NOL9: variants seen among roughly 807,000 people sequenced by gnomAD.
NOL9 encodes the protein polynucleotide 5'-hydroxyl-kinase NOL9.
NOL9 carries 28 observed loss-of-function variants against 67.9 expected under a neutral mutation model. The observed-to-expected ratio is 0.41, with a 90% CI of 0.31 to 0.57. The LOEUF (loss-of-function observed/expected upper bound fraction) is 0.57. Among genes scored for constraint, NOL9 ranks in the 20% least tolerant of loss-of-function variants. NOL9 has a pLI of 0.25. For missense variants in NOL9, 777 were observed against 897.0 expected, an observed-to-expected ratio of 0.87 and a Z score of 1.71; for synonymous variants, 356 against 352.2, an observed-to-expected ratio of 1.01 and a Z score of -0.12.
chr1:6,537,991 CAAAAAAAA>C (rs35793215), intron 6 of NOL9, among the ~76,000 whole-genome samples: 1 of 52,506 alleles, frequency 1.9e-5, no homozygotes, highest in East Asian at 5.6e-4. Context: ...GACTCCATCT[CAAAAAAAA>C]AAAAAAAAAA....
intron 6 of NOL9, among the ~76,000 whole-genome samples, chr1:6,541,136 G>A (rs1003696767): frequency 6.7e-6 from 1 of 150,182 alleles, no homozygotes; most frequent in East Asian, 2.0e-4. Context: ...CTGCCTCGGC[G>A]TCCCAAGTAG....
At position 6,549,635 on chromosome 1, in the gene NOL9, A is replaced by T. The variant is rs1200574777; in HGVS notation, c.680T>A (p.Leu227Gln). ...TATGAAGTTTACAGTGGCAGTTTTC[A>T]GATGTTCTAGCAACACAATGGAACA... Reference protein sequence around the residue: ...PQCSIVLLEHLKTATVNFITS... With the variant: ...PQCSIVLLEHQKTATVNFITS... Residue 227 changes from leucine to glutamine, a missense_variant, in exon 3 of 12, where the codon CTG (leucine) becomes CAG (glutamine). Physicochemically the swap from Leu to Gln is moderately radical, Grantham distance 113. This residue lies in a region of NOL9 where 364 missense variants were observed against 344.4 expected (regional missense o/e 1.06). Coordinates refer to ENST00000377705, the MANE Select transcript of NOL9 (RefSeq NM_024654.5). 1 of 1,614,076 alleles carries T rather than the reference A, an allele frequency of 6.2e-7. No homozygotes were observed. Among genetic ancestry groups the T allele is most frequent in the Non-Finnish European group, 8.5e-7 (1 of 1,180,028 alleles).
At chr1:6,537,801 T>C (rs11122085) in intron 6 of NOL9, among the ~76,000 whole-genome samples, 24,591 of 151,766 alleles carry the variant, frequency 0.16, 2,421 homozygotes, top group African/African-American at 0.28. Context: ...AAATATTAAT[T>C]CAAAATGGAT....
intron 8 of NOL9, 126 bp downstream of exon 8, chr1:6,532,337 G>A: frequency 1.1e-6 from 1 of 901,478 alleles, no homozygotes; most frequent in South Asian, 1.7e-5. Flanking sequence ...GTTCGTCTTT[G>A]TGCATGCACA....
rs1638827374 is a variant in NOL9, at chr1:6,524,060, A to T, written c.*1794T>A. On this transcript the variant is annotated 3_prime_UTR_variant, in exon 12 of 12. Coordinates refer to ENST00000377705, the MANE Select transcript of NOL9 (RefSeq NM_024654.5). ...TTCTTTACAAGGCCAGCACAGTAAAACATCATATGAATGAGCCAGATTTCA... is the reference window on the plus strand; with the variant it reads ...TTCTTTACAAGGCCAGCACAGTAAATCATCATATGAATGAGCCAGATTTCA... The T allele has an allele frequency of 6.6e-6, 1 of 152,198 alleles. No individual in the cohort carries two copies. Among genetic ancestry groups the T allele is most frequent in the South Asian group, 2.1e-4 (1 of 4,824 alleles). 9.4% of individuals were successfully genotyped at this position (152,198 alleles called of 1,614,324 possible).
intron 6 of NOL9, among the ~76,000 whole-genome samples, chr1:6,538,718 C>T (rs149042681): frequency 2.7e-4 from 41 of 151,610 alleles, no homozygotes; most frequent in African/African-American, 9.2e-4. Flanking sequence ...TGTGGTGGCT[C>T]ATGCCTGTAA....
Position 6,523,428 on chromosome 1 carries a change from A to G in NOL9, c.*2426T>C, listed in dbSNP as rs1001232772. 6.6e-6 allele frequency: 1 copy of G among 151,094 alleles called. No individual in the cohort carries two copies. The highest frequency in any genetic ancestry group is 2.4e-5 in the African/African-American group (1 of 41,016). The allele number at this position is 151,094 out of a possible 1,614,324, so 9.4% of individuals were successfully genotyped here. On this transcript the variant is annotated 3_prime_UTR_variant, in exon 12 of 12. Coordinates refer to ENST00000377705, the MANE Select transcript of NOL9 (RefSeq NM_024654.5). Reference sequence around the variant, plus strand: ...AACCCCTTCTCTACTAAAAATAGAAAATCAGCCAGGCATGGTGGCGCATGC... The same window carrying G: ...AACCCCTTCTCTACTAAAAATAGAAGATCAGCCAGGCATGGTGGCGCATGC...
chr1:6,529,706 A>C (rs1468580253), intron 9 of NOL9, among the ~76,000 whole-genome samples: 4 of 152,178 alleles, frequency 2.6e-5, no homozygotes, highest in Non-Finnish European at 5.9e-5. Context: ...TGGGTTGATC[A>C]CTTGAGGTCA....
intron 1 of NOL9, among the ~76,000 whole-genome samples, chr1:6,553,569 C>A (rs1639591195): frequency 2.6e-5 from 4 of 151,096 alleles, no homozygotes; most frequent in Admixed American, 6.6e-5. Flanking sequence ...GTTCCAGGTG[C>A]GGTGGTTCAC....
rs1639078836 is a variant in NOL9, at chr1:6,533,405, A to G, written c.1112T>C (p.Met371Thr). 3 of 1,612,060 alleles carry G rather than the reference A, an allele frequency of 1.9e-6. No homozygotes were observed. Among genetic ancestry groups the G allele is most frequent in the African/African-American group, 2.7e-5 (2 of 74,866 alleles). Reference protein sequence around the residue: ...PFTHLRTPQKMVYYGKPSCKN... With the variant: ...PFTHLRTPQKTVYYGKPSCKN... ...ACAAGAAGGTTTCCCATAATATACC[A>G]TCTTCTGTGGAGTCCTCAGGTGAGT... The change falls in exon 7 of 12, where the codon ATG (methionine) becomes ACG (threonine). Residue 371 changes from methionine (M) to threonine (T), a missense_variant. Met to Thr is a moderately conservative substitution (Grantham distance 81). Transcript: ENST00000377705.
At position 6,532,126 on chromosome 1, in the gene NOL9, G is replaced by A. The variant is rs189769181; in HGVS notation, c.1536-47C>T. 4.1e-4 allele frequency: 571 copies of A among 1,378,098 alleles called. 2 individuals are homozygous for A. The East Asian group carries it at 9.0e-3, about 22-fold the overall frequency. 85.4% of individuals were successfully genotyped at this position (1,378,098 alleles called of 1,614,324 possible). ...GGTAAGTAGACATTTAACCCTCAAC[G>A]GCCACCTCCCACACCTGTCATCACA... On this transcript the variant is annotated intron_variant, in intron 8 of 11. Coordinates refer to ENST00000377705, the MANE Select transcript of NOL9 (RefSeq NM_024654.5).
Position 6,529,219 on chromosome 1 carries a change from A to C in NOL9, c.1648-48T>G, listed in dbSNP as rs1400929518. 2.0e-6 allele frequency: 3 copies of C among 1,534,830 alleles called. No individual in the cohort carries two copies. The African/African-American group carries it at 4.1e-5, about 21-fold the overall frequency. ...ACTCTATTCATGGCTACTTTGAAAGACCACTTAATTTCTACAACTAGATTA... is the reference window on the plus strand; with the variant it reads ...ACTCTATTCATGGCTACTTTGAAAGCCCACTTAATTTCTACAACTAGATTA... On this transcript the variant is annotated intron_variant, in intron 9 of 11. Coordinates refer to ENST00000377705, the MANE Select transcript of NOL9 (RefSeq NM_024654.5).
intron 3 of NOL9, among the ~76,000 whole-genome samples, chr1:6,546,396 A>C (rs1020042357): frequency 6.6e-6 from 1 of 152,212 alleles, no homozygotes; most frequent in African/African-American, 2.4e-5. Context: ...AAAGACTAAA[A>C]GGCAATCACA....
chr1:6,526,561 G>T, intron 11 of NOL9, 135 bp downstream of exon 11: 1 of 868,296 alleles, frequency 1.2e-6, no homozygotes, highest in East Asian at 2.6e-5. Context: ...ACACCGTCTC[G>T]GCTCACTCAG....
chr1:6,552,185 T>A (rs1413556081), intron 1 of NOL9, among the ~76,000 whole-genome samples: 12 of 152,196 alleles, frequency 7.9e-5, no homozygotes, highest in African/African-American at 4.8e-5. Context: ...GATGCTGGGC[T>A]TAATACATAG....
rs1270488031 is a variant in NOL9, at chr1:6,533,392, C to T, written c.1125G>A (p.Gly375=). The T allele has an allele frequency of 6.2e-7, 1 of 1,612,822 alleles. No homozygotes were observed. The highest frequency in any genetic ancestry group is 8.5e-7 in the Non-Finnish European group (1 of 1,179,234). The part of the protein sequence containing the change: ...LRTPQKMVYY[G]KPSCKNNYEN... ...CATAGTTGTTTTTACAAGAAGGTTTCCCATAATATACCATCTTCTGTGGAG... is the reference window on the plus strand; with the variant it reads ...CATAGTTGTTTTTACAAGAAGGTTTTCCATAATATACCATCTTCTGTGGAG... The change falls in exon 7 of 12, where the codon GGG becomes GGA. Residue 375 remains glycine, a synonymous_variant. Transcript: ENST00000377705.
rs1409050823 is a variant in NOL9 at position 6,521,427 on chromosome 1, G to T, written c.*4427C>A. On this transcript the variant is annotated 3_prime_UTR_variant, in exon 12 of 12. Coordinates refer to ENST00000377705, the MANE Select transcript of NOL9 (RefSeq NM_024654.5). ...GCTGAACAGAAACCATACATATTTTGTAAAATACACACACACACAGCAGAA... is the reference window on the plus strand; with the variant it reads ...GCTGAACAGAAACCATACATATTTTTTAAAATACACACACACACAGCAGAA... The T allele has an allele frequency of 2.6e-5, 4 of 152,146 alleles. No homozygotes were observed. The highest frequency in any genetic ancestry group is 7.2e-5 in the African/African-American group (3 of 41,428). The allele number at this position is 152,146 out of a possible 1,614,324, so 9.4% of individuals were successfully genotyped here.
intron 6 of NOL9, among the ~76,000 whole-genome samples, chr1:6,536,645 T>C (rs1472315686): frequency 6.6e-6 from 1 of 152,028 alleles, no homozygotes. Context: ...TTGGGCAACA[T>C]AGGGAGACCC....
intron 5 of NOL9, 38 bp from the exon 6 acceptor site, chr1:6,541,965 TA>T: frequency 7.5e-7 from 1 of 1,335,326 alleles, no homozygotes; most frequent in Non-Finnish European, 1.1e-6. Context: ...AAGAAAATCC[TA>T]ACTAGCTTTA....
Sources: allele counts gnomAD v4.1 joint callset (sites outside exome capture counted in the v4.1 genomes callset), GRCh38; gene constraint gnomAD v4.1.1; regional missense constraint gnomAD v4.1.1; transcripts MANE v1.5; gene names NCBI Gene and HGNC (gene_info 2026-07-23, HGNC 2026-07-21).